FLT1: variants seen among roughly 807,000 people sequenced by gnomAD.
FLT1 encodes fms related receptor tyrosine kinase 1, also known as vascular endothelial growth factor receptor 1.
FLT1 carries 49 observed loss-of-function variants against 156.3 expected under a neutral mutation model. The observed-to-expected ratio is 0.31, with a 90% confidence interval of 0.25 to 0.40. The LOEUF is 0.40. FLT1 is among the 10% of genes least tolerant of loss of function. The pLI is 1.00. For synonymous variants in FLT1, 594 were observed against 583.8 expected, an observed-to-expected ratio of 1.02 and a Z score of -0.25; for missense variants, 1,322 against 1,637.2, an observed-to-expected ratio of 0.81 and a Z score of 3.32.
intron 3 of FLT1, among the ~76,000 whole-genome samples, chr13:28,453,402 C>T (rs373095451): frequency 4.6e-5 from 7 of 152,112 alleles, no homozygotes; most frequent in Non-Finnish European, 8.8e-5. Context: ...GGACTACAGG[C>T]GTAAGCCACC....
At chr13:28,305,783 C>CT (rs1555298110) in intron 29 of FLT1, among the ~76,000 whole-genome samples, 2 of 152,052 alleles carry the variant, frequency 1.3e-5, no homozygotes, top group Non-Finnish European at 1.5e-5. Flanking sequence ...TTTTTTGCAA[C>CT]TTTTTTAGCT....
In FLT1 at chr13:28,310,015, G is replaced by A. The variant is rs1282696045; in HGVS notation, c.3636-1088C>T. 4.8e-5 allele frequency among the ~76,000 whole-genome samples: 7 copies of A among 146,750 alleles called. No homozygotes were observed. The East Asian group carries it at 1.4e-3, about 30-fold the overall frequency. On this transcript the variant is annotated intron_variant, in intron 27 of 29. Coordinates refer to ENST00000282397, the MANE Select transcript of FLT1 (RefSeq NM_002019.4). ...AGTGATTCTCCCACCTCAGCCTCCT[G>A]AGTAGCTGGGACTACAGGTACGTGC...
rs58547675 is a variant in FLT1, at chr13:28,455,237, AACTTCAAGACTT to A, written c.388+11654_388+11665del. On this transcript the variant is annotated intron_variant, in intron 3 of 29. Coordinates refer to ENST00000282397, the MANE Select transcript of FLT1 (RefSeq NM_002019.4). The stretch of plus-strand genomic sequence containing the variant: ...CAAAGTTGGAAGACTGACACTACCT[AACTTCAAGACTT>A]ACTACAAAGCTATAGTAATCAAGAC... Among the ~76,000 whole-genome samples, 1,304 of 152,308 alleles carry A rather than the reference AACTTCAAGACTT, an allele frequency of 8.6e-3. 15 individuals carry two copies. The highest frequency in any genetic ancestry group is 0.03 in the African/African-American group (1,230 of 41,562).
rs1159807935 is a variant in FLT1, at chr13:28,427,313, G to A, written c.1282C>T (p.Pro428Ser). ...GACACGGCCTTTTCGTAAATCTGGG[G>A]TTTCACTGGAAAGGAGATGAAGAAC... ...LTATLIVNVKPQIYEKAVSSF... is the reference protein window; with the variant it reads ...LTATLIVNVKSQIYEKAVSSF... The change falls in exon 10 of 30, where the codon CCC becomes TCC. Residue 428 changes from proline (P) to serine (S), a missense_variant. By Grantham distance (74) the Pro-to-Ser change is moderately conservative. Coordinates refer to ENST00000282397, the MANE Select transcript of FLT1 (RefSeq NM_002019.4). 1 of 1,613,858 alleles carries A rather than the reference G, an allele frequency of 6.2e-7. No individual in the cohort carries two copies. Among genetic ancestry groups the A allele is most frequent in the African/African-American group, 1.3e-5 (1 of 74,900 alleles).
chr13:28,355,960 T>C (rs910376896), intron 15 of FLT1, among the ~76,000 whole-genome samples: 5 of 152,116 alleles, frequency 3.3e-5, no homozygotes, highest in African/African-American at 1.2e-4. Flanking sequence ...GTCAAGACTT[T>C]GGGGAGACCT....
intron 3 of FLT1, among the ~76,000 whole-genome samples, chr13:28,465,975 T>C (rs1879825785): frequency 6.6e-6 from 1 of 152,200 alleles, no homozygotes. Flanking sequence ...TTGATGCTGA[T>C]GGTTGGTTGT....
chr13:28,319,383 A>G (rs778503277), intron 24 of FLT1, 40 bp downstream of exon 24: 2 of 1,293,762 alleles, frequency 1.5e-6, no homozygotes, highest in Non-Finnish European at 2.2e-6. Flanking sequence ...GCAGACATTT[A>G]TTTCTGGGCT....
At chr13:28,348,485 A>G (rs1192569630) in intron 15 of FLT1, among the ~76,000 whole-genome samples, 3 of 152,238 alleles carry the variant, frequency 2.0e-5, no homozygotes, top group African/African-American at 4.8e-5. Flanking sequence ...GGCTTTTGCT[A>G]TTTCTCTGCC....
At chr13:28,358,257 A>G (rs1057446235) in intron 14 of FLT1, among the ~76,000 whole-genome samples, 2 of 152,192 alleles carry the variant, frequency 1.3e-5, no homozygotes, top group African/African-American at 2.4e-5. Context: ...CTAATATTTC[A>G]TTTGTCATAA....
intron 3 of FLT1, among the ~76,000 whole-genome samples, chr13:28,460,162 A>G (rs1879485162): frequency 6.6e-6 from 1 of 152,184 alleles, no homozygotes; most frequent in Non-Finnish European, 1.5e-5. Context: ...ATTGTGTCAG[A>G]TCTGGGAAGG....
At position 28,317,700 on chromosome 13, in the gene FLT1, T is replaced by G; in HGVS notation, c.3287-103A>C. 5 of 763,328 alleles carry G rather than the reference T, an allele frequency of 6.6e-6. No homozygotes were observed. In the South Asian group the frequency reaches 7.1e-5, roughly 11 times the overall value. 47.3% of individuals were successfully genotyped at this position (763,328 alleles called of 1,614,324 possible). ...TTTCTTTCCTCCCTTTAAAGCTACG[T>G]TTTAGTAATAAATTCCCAGGGATTA... On this transcript the variant is annotated intron_variant, in intron 24 of 29. Coordinates refer to ENST00000282397, the MANE Select transcript of FLT1 (RefSeq NM_002019.4).
chr13:28,404,043 CAA>C (rs67298705), intron 11 of FLT1, among the ~76,000 whole-genome samples: 105 of 139,688 alleles, frequency 7.5e-4, no homozygotes, highest in African/African-American at 9.4e-4. Flanking sequence ...CTCTTTGTCT[CAA>C]AAAAAAAAAA....
At chr13:28,356,860 ATTC>A (rs931145381) in intron 15 of FLT1, among the ~76,000 whole-genome samples, 50 of 152,218 alleles carry the variant, frequency 3.3e-4, no homozygotes, top group African/African-American at 1.2e-3. Flanking sequence ...GTTTTGGATG[ATTC>A]TTAGCATTAG....
intron 10 of FLT1, among the ~76,000 whole-genome samples, chr13:28,423,831 C>A (rs1263975878): frequency 6.6e-6 from 1 of 152,170 alleles, no homozygotes; most frequent in Non-Finnish European, 1.5e-5. Context: ...TAGAAGTCTA[C>A]CTGTTGGCTG....
intron 16 of FLT1, among the ~76,000 whole-genome samples, chr13:28,341,019 T>C (rs1193477101): frequency 6.6e-6 from 1 of 152,162 alleles, no homozygotes; most frequent in Non-Finnish European, 1.5e-5. Flanking sequence ...ATGTCCTGTA[T>C]ACCCGAGCCC....
chr13:28,334,632 C>T (rs957722048), intron 17 of FLT1, among the ~76,000 whole-genome samples: 6 of 152,090 alleles, frequency 3.9e-5, no homozygotes, highest in South Asian at 2.1e-4. Flanking sequence ...GTCATTTATC[C>T]GACTTCCCTA....
At chr13:28,441,573 A>C (rs1206222573) in intron 3 of FLT1, among the ~76,000 whole-genome samples, 9 of 152,144 alleles carry the variant, frequency 5.9e-5, no homozygotes, top group Admixed American at 5.9e-4. Flanking sequence ...AATTATACTC[A>C]TCATCTTAAC....
At chr13:28,324,488 C>T (rs1241225206) in intron 20 of FLT1, among the ~76,000 whole-genome samples, 4 of 152,202 alleles carry the variant, frequency 2.6e-5, no homozygotes, top group African/African-American at 9.7e-5. Context: ...GGTTCCCAGC[C>T]CCTGAAAAGA....
Position 28,427,231 on chromosome 13 carries a change from G to C in FLT1, c.1364C>G (p.Thr455Ser), listed in dbSNP as rs1240694448. The change falls in exon 10 of 30, where the codon ACC becomes AGC. Residue 455 changes from threonine to serine, a missense_variant. Around this residue, in one of 3 missense-constraint regions of FLT1, gnomAD observed 991 missense variants for 1,254.8 expected, o/e 0.79. Coordinates refer to ENST00000282397, the MANE Select transcript of FLT1 (RefSeq NM_002019.4). ...TGTAGGTTGAGGGATACCATATGCGGTACAAGTCAGGATTTGTCTGCTGCC... is the reference window on the plus strand; with the variant it reads ...TGTAGGTTGAGGGATACCATATGCGCTACAAGTCAGGATTTGTCTGCTGCC... ...PLGSRQILTC[T>S]AYGIPQPTIK... 6 of 1,613,934 alleles carry C rather than the reference G, an allele frequency of 3.7e-6. No homozygotes were observed. The highest frequency in any genetic ancestry group is 5.1e-6 in the Non-Finnish European group (6 of 1,179,820).
Sources: gnomAD v4.1 joint callset for allele counts (sites outside exome capture counted in the v4.1 genomes callset) on GRCh38, gnomAD v4.1.1 for gene constraint, gnomAD v4.1.1 regional missense constraint, MANE v1.5 for transcripts, NCBI Gene and HGNC (gene_info 2026-07-23, HGNC 2026-07-21) for gene names.